Variants in ZFAND3 observed in about 807,000 individuals in gnomAD.
The protein encoded by ZFAND3 is AN1-type zinc finger protein 3.
Under a neutral mutation model 29.6 loss-of-function variants are expected in ZFAND3, and 10 were observed. The ratio of observed to expected loss-of-function variants is 0.34; its 90% confidence interval spans 0.21 to 0.57. The LOEUF (loss-of-function observed/expected upper bound fraction) is 0.57. ZFAND3 is among the 20% of genes least tolerant of loss of function. The pLI is 0.86. For synonymous variants in ZFAND3, 128 were observed against 112.6 expected (o/e 1.14, Z -0.87); for missense variants, 230 against 304.5 (o/e 0.76, Z 1.82).
chr6:37,995,682 A>G (rs1762837526), intron 2 of ZFAND3, among the ~76,000 whole-genome samples: 1 of 152,234 alleles, frequency 6.6e-6, no homozygotes, highest in South Asian at 2.1e-4. Context: ...CTTAAATGAA[A>G]TTTTAGTTTT....
chr6:37,994,408 A>G (rs1762813526), intron 2 of ZFAND3, among the ~76,000 whole-genome samples: 1 of 152,166 alleles, frequency 6.6e-6, no homozygotes, highest in African/African-American at 2.4e-5. Flanking sequence ...GCAGTTCTTA[A>G]GTGTCCACTT....
chr6:37,931,480 G>A (rs1442585320), intron 2 of ZFAND3, among the ~76,000 whole-genome samples: 1 of 151,366 alleles, frequency 6.6e-6, no homozygotes, highest in African/African-American at 2.4e-5. Flanking sequence ...GGGAGGCAGA[G>A]GTGCAGTGAG....
chr6:37,972,880 G>A (rs1438914439), intron 2 of ZFAND3, among the ~76,000 whole-genome samples: 1 of 152,042 alleles, frequency 6.6e-6, no homozygotes, highest in African/African-American at 2.4e-5. Context: ...ATAATATATG[G>A]CTTTAGTGAA....
Position 37,958,741 on chromosome 6 carries a change from C to A in ZFAND3, c.112+28742C>A, listed in dbSNP as rs76352678. Among the ~76,000 whole-genome samples, 723 of 152,166 alleles carry A rather than the reference C, an allele frequency of 4.8e-3. 4 individuals are homozygous for A. Among genetic ancestry groups the A allele is most frequent in the African/African-American group, 0.017 (696 of 41,518 alleles). On this transcript the variant is annotated intron_variant, in intron 2 of 5. Transcript: ENST00000287218. ...GCTTGGCTTTTCAGGACCGCCCCCC[C>A]CTTCCCCACCCACCGACGGACAAAA...
intron 2 of ZFAND3, among the ~76,000 whole-genome samples, chr6:38,044,649 G>C (rs1452301267): frequency 6.6e-6 from 1 of 152,200 alleles, no homozygotes; most frequent in African/African-American, 2.4e-5. Context: ...GAGGAATTGG[G>C]AATGTGCTGC....
chr6:38,117,170 T>C (rs1339146953), intron 5 of ZFAND3, among the ~76,000 whole-genome samples: 2 of 152,102 alleles, frequency 1.3e-5, no homozygotes, highest in African/African-American at 4.8e-5. Flanking sequence ...GATTTTTTTT[T>C]CTCCATATCC....
intron 2 of ZFAND3, among the ~76,000 whole-genome samples, chr6:37,933,076 A>G (rs1018202727): frequency 3.9e-5 from 6 of 152,264 alleles, no homozygotes; most frequent in African/African-American, 1.4e-4. Flanking sequence ...GCAGTATTAC[A>G]GAAGAGCCAT....
At chr6:38,122,070 T>TTATC (rs1381156332) in intron 5 of ZFAND3, among the ~76,000 whole-genome samples, 23 of 152,338 alleles carry the variant, frequency 1.5e-4, no homozygotes, top group Non-Finnish European at 2.9e-4. Flanking sequence ...CCCCATTTAT[T>TTATC]TATCTGTTAC....
intron 2 of ZFAND3, among the ~76,000 whole-genome samples, chr6:37,981,404 C>G (rs1762577757): frequency 6.6e-6 from 1 of 152,076 alleles, no homozygotes; most frequent in Non-Finnish European, 1.5e-5. Flanking sequence ...TGAATATTCT[C>G]TTTTAAAAAT....
intron 1 of ZFAND3, among the ~76,000 whole-genome samples, chr6:37,902,155 T>C (rs1184289935): frequency 6.6e-6 from 1 of 152,098 alleles, no homozygotes; most frequent in East Asian, 1.9e-4. Flanking sequence ...AAAATGAATA[T>C]AATAGCATTA....
At chr6:37,853,431 AAAAG>A (rs1764320197) in intron 1 of ZFAND3, among the ~76,000 whole-genome samples, 1 of 151,652 alleles carries the variant, frequency 6.6e-6, no homozygotes, top group Non-Finnish European at 1.5e-5. Flanking sequence ...AAAAAAAAAA[AAAAG>A]AAGGTGGACT....
At chr6:37,890,602 TAGTA>T (rs1303328372) in intron 1 of ZFAND3, among the ~76,000 whole-genome samples, 2 of 152,238 alleles carry the variant, frequency 1.3e-5, no homozygotes, top group Admixed American at 6.5e-5. Context: ...TTATTATTAA[TAGTA>T]AGTTTTATGG....
At chr6:37,949,570 G>A (rs1761961768) in intron 2 of ZFAND3, among the ~76,000 whole-genome samples, 1 of 152,120 alleles carries the variant, frequency 6.6e-6, no homozygotes, top group African/African-American at 2.4e-5. Context: ...CCAGTTGCAA[G>A]CCCAGGTTTC....
chr6:38,139,868 AG>A (rs1351554357), intron 5 of ZFAND3, among the ~76,000 whole-genome samples: 1 of 152,218 alleles, frequency 6.6e-6, no homozygotes, highest in Non-Finnish European at 1.5e-5. Context: ...GACCACCTAA[AG>A]GAGGCTATTG....
intron 1 of ZFAND3, among the ~76,000 whole-genome samples, chr6:37,888,804 A>C (rs1159044557): frequency 6.6e-6 from 1 of 152,206 alleles, no homozygotes; most frequent in Non-Finnish European, 1.5e-5. Flanking sequence ...AAGTGGCCTA[A>C]AAAATGCTAT....
At chr6:37,981,027 G>T (rs1178941060) in intron 2 of ZFAND3, among the ~76,000 whole-genome samples, 2 of 152,140 alleles carry the variant, frequency 1.3e-5, no homozygotes, top group Non-Finnish European at 2.9e-5. Context: ...ACTTCTGAGG[G>T]CACCAGGAGA....
chr6:37,826,901 A>T (rs1276473193), intron 1 of ZFAND3, among the ~76,000 whole-genome samples: 2 of 152,230 alleles, frequency 1.3e-5, no homozygotes, highest in Non-Finnish European at 2.9e-5. Context: ...AGCTACTTTT[A>T]AGTACTCACT....
chr6:38,005,785 A>T (rs1319284931), intron 2 of ZFAND3, among the ~76,000 whole-genome samples: 1 of 152,220 alleles, frequency 6.6e-6, no homozygotes, highest in Non-Finnish European at 1.5e-5. Flanking sequence ...CTATGTTTTT[A>T]TACTTCTTCA....
chr6:37,846,142 C>T (rs1324242620), intron 1 of ZFAND3, among the ~76,000 whole-genome samples: 1 of 152,152 alleles, frequency 6.6e-6, no homozygotes, highest in East Asian at 1.9e-4. Flanking sequence ...TTGTATATGT[C>T]TGAGTTCATT....
Sources: allele counts gnomAD v4.1 joint callset (sites outside exome capture counted in the v4.1 genomes callset), GRCh38; gene constraint gnomAD v4.1.1; transcripts MANE v1.5; gene names NCBI Gene and HGNC (gene_info 2026-07-23, HGNC 2026-07-21).